BICRA: variants seen among roughly 807,000 people sequenced by gnomAD.
The protein encoded by BICRA is BRD4 interacting chromatin remodeling complex associated protein.
In BICRA, 31 loss-of-function variants were observed where a neutral mutation model predicts 96.9. The ratio of observed to expected loss-of-function variants is 0.32; its 90% confidence interval spans 0.24 to 0.43. The LOEUF (loss-of-function observed/expected upper bound fraction) is 0.43, where lower values mean the gene tolerates loss of function less well. Ranked by LOEUF, BICRA falls within the 20% of genes least tolerant of loss-of-function variation. The probability of loss-of-function intolerance (pLI) is 1.00; values close to 1 mark genes in which losing one functional copy is unlikely to be tolerated. For missense variants in BICRA, 2,283 were observed against 2,190.3 expected (o/e 1.04, Z -0.84); for synonymous variants, 1,350 against 1,071.8 (o/e 1.26, Z -5.07).
chr19:47,615,739 G>C (rs1308491378), intron 1 of BICRA: 1 of 152,204 alleles, frequency 6.6e-6, no homozygotes, highest in African/African-American at 2.4e-5. Flanking sequence ...TTAATTGGCA[G>C]GTGTTGGATG....
chr19:47,694,140 G>A lies in BICRA; in HGVS notation c.2309G>A (p.Gly770Asp), dbSNP rs1200012273. The change falls in exon 8 of 15, where the codon GGC becomes GAC. Residue 770 changes from glycine to aspartate, a missense_variant. Physicochemically the swap from Gly to Asp is moderately conservative, Grantham distance 94 (BLOSUM62 -1). Transcript: ENST00000594866. ...PQIPAAAPLKGPGPSSSPSLP... is the reference protein window; with the variant it reads ...PQIPAAAPLKDPGPSSSPSLP... ...ATCCCGGCAGCGGCTCCGCTGAAGG[G>A]CCCAGGCCCCTCTTCGTCCCCGTCA... 7.9e-6 allele frequency: 12 copies of A among 1,519,836 alleles called. No individual in the cohort carries two copies. Among genetic ancestry groups the A allele is most frequent in the Non-Finnish European group, 1.1e-5 (12 of 1,131,568 alleles). 94.1% of individuals were successfully genotyped at this position (1,519,836 alleles called of 1,614,324 possible). A position where few individuals can be genotyped will look rare whatever the true frequency, so the allele number is the denominator to read the frequency against.
intron 5 of BICRA, among the ~76,000 whole-genome samples, chr19:47,678,158 C>G (rs1284973107): frequency 6.6e-6 from 1 of 152,180 alleles, no homozygotes; most frequent in Admixed American, 6.5e-5. Flanking sequence ...CTCTGTCACC[C>G]AGGCTGGAGG....
intron 5 of BICRA, among the ~76,000 whole-genome samples, chr19:47,676,687 C>A (rs1305594062): frequency 6.6e-6 from 1 of 150,406 alleles, no homozygotes. Flanking sequence ...TCCTTGTTAT[C>A]TTCATTTAGT....
intron 10 of BICRA, 126 bp from the exon 11 acceptor site, chr19:47,696,325 C>T: frequency 1.2e-6 from 1 of 804,888 alleles, no homozygotes; most frequent in Non-Finnish European, 2.0e-6. Flanking sequence ...GTAGCTGGGG[C>T]CAGGCCCCCA....
Position 47,680,064 on chromosome 19 carries a change from C to T in BICRA, c.894C>T (p.Ala298=). ...VIQKNLSAAV[A]TTLNGNSVFG... The stretch of plus-strand genomic sequence containing the variant: ...AGAAGAACCTCTCGGCCGCTGTGGC[C>T]ACCACGCTCAATGGGAACTCTGTGT... The change falls in exon 6 of 15, where the codon GCC becomes GCT. Residue 298 remains alanine (A), a synonymous_variant. Transcript: ENST00000594866. 6.4e-7 allele frequency: 1 copy of T among 1,562,848 alleles called. No homozygotes were observed. Among genetic ancestry groups the T allele is most frequent in the Admixed American group, 1.8e-5 (1 of 54,396 alleles).
Position 47,679,395 on chromosome 19 carries a change from C to T in BICRA, c.225C>T (p.Asp75=), listed in dbSNP as rs762884075. 2.5e-5 allele frequency: 37 copies of T among 1,459,152 alleles called. 1 individual carries two copies. 90.4% of individuals were successfully genotyped at this position (1,459,152 alleles called of 1,614,324 possible). A position where few individuals can be genotyped will look rare whatever the true frequency, so the allele number is the denominator to read the frequency against. The change falls in exon 6 of 15, where the codon GAC becomes GAT. Residue 75 remains aspartate (D), a synonymous_variant. Transcript: ENST00000594866. The part of the protein sequence containing the change: ...PNQPAPSVDL[D]FLEDDILGSP... ...AGCCGGCCCCCAGTGTGGACCTAGA[C>T]TTCCTGGAAGATGACATCCTGGGCT...
Position 47,698,542 on chromosome 19 carries a change from G to T in BICRA, c.3249-92G>T, listed in dbSNP as rs573023256. ...CCTTCCCGCTGTTGTGTTCAGTTGC[G>T]GCCTGGGGCTGAGGGTTCAGGGACT... On this transcript the variant is annotated intron_variant, in intron 11 of 14. Coordinates refer to ENST00000594866, the MANE Select transcript of BICRA (RefSeq NM_001394372.1). This position sits in a 1 kb window ranked among gnomAD's most constrained non-coding sequence, Gnocchi z 4.8. The T allele has an allele frequency of 4.3e-6, 3 of 698,806 alleles. No homozygotes were observed. The highest frequency in any genetic ancestry group is 4.2e-5 in the Admixed American group (2 of 48,114). The allele number at this position is 698,806 out of a possible 1,614,324, so 43.3% of individuals were successfully genotyped here.
chr19:47,683,897 T>A (rs1973105410), intron 7 of BICRA, among the ~76,000 whole-genome samples: 1 of 152,122 alleles, frequency 6.6e-6, no homozygotes, highest in East Asian at 1.9e-4. Context: ...CTTCTTATTC[T>A]AGAGCAGTGA....
intron 1 of BICRA, among the ~76,000 whole-genome samples, chr19:47,629,046 G>A (rs1156794563): frequency 6.6e-6 from 1 of 152,118 alleles, no homozygotes; most frequent in African/African-American, 2.4e-5. Flanking sequence ...GTGTTGCCCA[G>A]GCTGGAGTGC....
chr19:47,694,457 G>GCCC lies in BICRA; in HGVS notation c.2630_2632dup (p.Pro877dup). 3.2e-6 allele frequency: 1 copy of GCCC among 316,870 alleles called. No homozygotes were observed. The highest frequency in any genetic ancestry group is 5.8e-6 in the Non-Finnish European group (1 of 173,818). The allele number at this position is 316,870 out of a possible 1,614,324, so 19.6% of individuals were successfully genotyped here. ...GCCGCCTGAGGGACCGCTGCCCCCA[G>GCCC]CCCCCCACCTCCCTCCATCCTCCAC... is the stretch of plus-strand genomic sequence containing the variant. On this transcript the variant is annotated inframe_insertion, in exon 8 of 15. Transcript: ENST00000594866.
At chr19:47,620,029 A>G (rs1972041839) in intron 1 of BICRA, among the ~76,000 whole-genome samples, 2 of 152,116 alleles carry the variant, frequency 1.3e-5, no homozygotes. Context: ...CTAGAATTTC[A>G]CAGAGGGGGA....
intron 1 of BICRA, among the ~76,000 whole-genome samples, chr19:47,667,276 A>T (rs1440641407): frequency 6.6e-6 from 1 of 152,082 alleles, no homozygotes; most frequent in Non-Finnish European, 1.5e-5. Context: ...TGGCCTCCCA[A>T]AGTGCTGGGA....
At chr19:47,633,377 G>A (rs1234511996) in intron 1 of BICRA, among the ~76,000 whole-genome samples, 1 of 151,896 alleles carries the variant, frequency 6.6e-6, no homozygotes, top group Non-Finnish European at 1.5e-5. Context: ...ACAATGCCCC[G>A]GCGTATTTTT....
chr19:47,665,479 G>T (rs1972764617), intron 1 of BICRA, among the ~76,000 whole-genome samples: 1 of 151,722 alleles, frequency 6.6e-6, no homozygotes, highest in South Asian at 2.1e-4. Context: ...TTTTGGTTTT[G>T]TTTTTTTTGG....
At chr19:47,624,698 T>TC (rs1972114585) in intron 1 of BICRA, among the ~76,000 whole-genome samples, 1 of 151,926 alleles carries the variant, frequency 6.6e-6, no homozygotes, top group African/African-American at 2.4e-5. Flanking sequence ...CCCTGACTTT[T>TC]TTTTTTTTCT....
Position 47,679,810 on chromosome 19 carries a change from C to T in BICRA, c.640C>T (p.Leu214Phe). ...GNVTLQPIPGLQGLPNGSPGG... is the reference protein window; with the variant it reads ...GNVTLQPIPGFQGLPNGSPGG... ...TGTGACACTGCAGCCCATCCCGGGC[C>T]TCCAAGGCCTGCCCAATGGCAGCCC... Residue 214 changes from leucine (L) to phenylalanine (F), a missense_variant, in exon 6 of 15, where the codon CTC (leucine) becomes TTC (phenylalanine). Coordinates refer to ENST00000594866, the MANE Select transcript of BICRA (RefSeq NM_001394372.1). 2.7e-6 allele frequency: 4 copies of T among 1,485,536 alleles called. No homozygotes were observed. Among genetic ancestry groups the T allele is most frequent in the Non-Finnish European group, 8.9e-7 (1 of 1,120,284 alleles). 92.0% of individuals were successfully genotyped at this position (1,485,536 alleles called of 1,614,324 possible).
intron 1 of BICRA, among the ~76,000 whole-genome samples, chr19:47,652,079 C>CT (rs1320732011): frequency 6.6e-6 from 1 of 152,166 alleles, no homozygotes; most frequent in Non-Finnish European, 1.5e-5. Context: ...TCTCTGGACT[C>CT]TAAGGCTTTT....
At chr19:47,667,006 C>T (rs936094625) in intron 1 of BICRA, among the ~76,000 whole-genome samples, 1 of 151,730 alleles carries the variant, frequency 6.6e-6, no homozygotes, top group Non-Finnish European at 1.5e-5. Context: ...AGGAAGTTCC[C>T]GTTCATGTCT....
At chr19:47,608,664 G>A (rs1258784499), upstream of BICRA, among the ~76,000 whole-genome samples, 1 of 151,664 alleles carries the variant, frequency 6.6e-6, no homozygotes, top group Non-Finnish European at 1.5e-5. Context: ...CTGAACCCCC[G>A]GGACTGGGGC....
Sources: gnomAD v4.1 joint callset for allele counts (sites outside exome capture counted in the v4.1 genomes callset) on GRCh38, gnomAD v4.1.1 for gene constraint, Gnocchi (gnomAD v3.1) non-coding constraint, MANE v1.5 for transcripts, NCBI Gene and HGNC (gene_info 2026-07-23, HGNC 2026-07-21) for gene names.